PDHX: variants seen among roughly 807,000 people sequenced by gnomAD.
PDHX encodes pyruvate dehydrogenase complex component X.
PDHX carries 33 observed loss-of-function variants against 55.3 expected under a neutral mutation model. That is an observed-to-expected ratio of 0.60 (90% CI 0.45 to 0.80). The LOEUF (loss-of-function observed/expected upper bound fraction) is 0.80. Ranked by LOEUF, PDHX falls within the 30% of genes least tolerant of loss-of-function variation. The pLI, the probability that PDHX is intolerant of heterozygous loss-of-function variation, is 0.00. For synonymous variants in PDHX, 226 were observed against 219.4 expected, an observed-to-expected ratio of 1.03 and a Z score of -0.27; for missense variants, 622 against 619.9, an observed-to-expected ratio of 1.00 and a Z score of -0.04.
rs764804589 is a variant in PDHX, at chr11:34,957,377, A to C, written c.343-7A>C. ...CTTCTCTACAGTTACTTCTTTTTTA[A>C]ATATAGGTTGAAGAAGGAAGTAAAA... On this transcript the variant is annotated splice_polypyrimidine_tract_variant and splice_region_variant and intron_variant, in intron 3 of 10. Coordinates refer to ENST00000227868, the MANE Select transcript of PDHX (RefSeq NM_003477.3). The C allele has an allele frequency of 6.4e-7, 1 of 1,566,838 alleles. No individual in the cohort carries two copies. The highest frequency in any genetic ancestry group is 1.7e-5 in the Admixed American group (1 of 59,940).
chr11:34,959,813 CTG>C (rs1425188577), intron 4 of PDHX, among the ~76,000 whole-genome samples: 1 of 152,018 alleles, frequency 6.6e-6, no homozygotes, highest in Non-Finnish European at 1.5e-5. Context: ...AAACAAATAA[CTG>C]TATGATTCTA....
chr11:34,942,316 A>T (rs1042733994), intron 2 of PDHX, among the ~76,000 whole-genome samples: 2 of 152,230 alleles, frequency 1.3e-5, no homozygotes, highest in Admixed American at 6.5e-5. Context: ...TTGATTCAAA[A>T]TGGTTGTATA....
intron 9 of PDHX, 139 bp from the exon 10 acceptor site, chr11:34,992,176 A>G: frequency 3.3e-6 from 2 of 602,596 alleles, no homozygotes; most frequent in Non-Finnish European, 3.0e-6. Flanking sequence ...ATAATTAGAG[A>G]AAATTATTTT....
chr11:34,943,887 G>C (rs1436463470), intron 2 of PDHX, among the ~76,000 whole-genome samples: 1 of 151,802 alleles, frequency 6.6e-6, no homozygotes, highest in Non-Finnish European at 1.5e-5. Context: ...TGCCCCTCCT[G>C]AACATTCCCA....
chr11:34,919,022 T>G (rs892176434), intron 1 of PDHX, among the ~76,000 whole-genome samples: 1 of 152,190 alleles, frequency 6.6e-6, no homozygotes, highest in Non-Finnish European at 1.5e-5. Context: ...CTTAATTCCA[T>G]CTTTAACCTT....
At chr11:34,916,192 C>T (rs1287508126), upstream of PDHX, 18 of 1,599,388 alleles carry the variant, frequency 1.1e-5, no homozygotes, top group South Asian at 1.0e-4. Flanking sequence ...GGCCTCTCCT[C>T]CTGGGAATAC....
chr11:34,928,842 A>T (rs1854086687), intron 1 of PDHX, among the ~76,000 whole-genome samples: 1 of 152,216 alleles, frequency 6.6e-6, no homozygotes, highest in Non-Finnish European at 1.5e-5. Context: ...TCAAGAATTT[A>T]GTTCTCCAGC....
At chr11:34,964,713 G>A (rs1855089348) in intron 5 of PDHX, among the ~76,000 whole-genome samples, 1 of 144,614 alleles carries the variant, frequency 6.9e-6, no homozygotes, top group Admixed American at 6.7e-5. Context: ...TTACTACAGA[G>A]ATAAAACTAA....
At chr11:34,920,600 T>C (rs1258654805) in intron 1 of PDHX, among the ~76,000 whole-genome samples, 2 of 152,220 alleles carry the variant, frequency 1.3e-5, no homozygotes, top group Admixed American at 1.3e-4. Context: ...TTAAATCCTA[T>C]GTGGTGACAA....
intron 1 of PDHX, among the ~76,000 whole-genome samples, chr11:34,917,417 A>T (rs951913095): frequency 1.3e-5 from 2 of 152,198 alleles, no homozygotes; most frequent in Non-Finnish European, 2.9e-5. Context: ...CATACCAAAA[A>T]TTTATTATAG....
intron 10 of PDHX, among the ~76,000 whole-genome samples, chr11:34,992,826 A>G (rs558005212): frequency 3.9e-5 from 6 of 152,098 alleles, no homozygotes; most frequent in Non-Finnish European, 7.4e-5. Flanking sequence ...GAACATTCTT[A>G]TTAGTGTCTT....
intron 3 of PDHX, among the ~76,000 whole-genome samples, chr11:34,953,125 A>C (rs957315922): frequency 2.0e-5 from 3 of 151,914 alleles, no homozygotes; most frequent in Non-Finnish European, 4.4e-5. Flanking sequence ...TTAGGAATCC[A>C]ACTTACGAGG....
upstream of PDHX, chr11:34,916,184 C>T (rs552157217): frequency 1.3e-6 from 2 of 1,591,874 alleles, no homozygotes; most frequent in Admixed American, 1.7e-5. Flanking sequence ...CCCGCCTGGG[C>T]CTCTCCTCCT....
chr11:34,920,343 A>G (rs1259941983), intron 1 of PDHX, among the ~76,000 whole-genome samples: 2 of 152,204 alleles, frequency 1.3e-5, no homozygotes, highest in Admixed American at 6.5e-5. Flanking sequence ...CTGAGGTTCA[A>G]TCTTGGTGGC....
At chr11:34,978,065 T>C in intron 7 of PDHX, 59 bp from the exon 8 acceptor site, 1 of 872,512 alleles carries the variant, frequency 1.1e-6, no homozygotes. Context: ...GAAGTTGTAA[T>C]GGTCAATGTT....
In PDHX at chr11:34,970,294, AAATTGAATTTACTT is replaced by A; in HGVS notation, c.964+12_964+25del. The stretch of plus-strand genomic sequence containing the variant: ...GGCAAGATCTGGTCAAAGGTTAGTA[AAATTGAATTTACTT>A]AATACAAAACACATGCTAACTTAAC... On this transcript the variant is annotated intron_variant, in intron 7 of 10. Coordinates refer to ENST00000227868, the MANE Select transcript of PDHX (RefSeq NM_003477.3). The A allele has an allele frequency of 6.2e-7, 1 of 1,610,016 alleles. No individual in the cohort carries two copies. The highest frequency in any genetic ancestry group is 1.7e-5 in the Admixed American group (1 of 59,996).
At position 34,995,431 on chromosome 11, in the gene PDHX, G is replaced by A. The variant is rs771515806; in HGVS notation, c.*259G>A. ...AGATCCATTTTTAACCTCTGGTGCT[G>A]TATAAAGGGAATATTAAACTAGATG... is the stretch of plus-strand genomic sequence containing the variant. On this transcript the variant is annotated 3_prime_UTR_variant, in exon 11 of 11. Coordinates refer to ENST00000227868, the MANE Select transcript of PDHX (RefSeq NM_003477.3). 2.3e-6 allele frequency: 1 copy of A among 434,174 alleles called. No individual in the cohort carries two copies. Among genetic ancestry groups the A allele is most frequent in the Non-Finnish European group, 4.3e-6 (1 of 234,430 alleles). 26.9% of individuals were successfully genotyped at this position (434,174 alleles called of 1,614,324 possible). A position where few individuals can be genotyped will look rare whatever the true frequency, so the allele number is the denominator to read the frequency against.
intron 1 of PDHX, among the ~76,000 whole-genome samples, chr11:34,918,721 T>A (rs942069568): frequency 6.6e-6 from 1 of 152,142 alleles, no homozygotes. Flanking sequence ...GTTCTAGAGG[T>A]CCGAAGTCCA....
At chr11:34,963,528 C>T (rs1216033861) in intron 5 of PDHX, among the ~76,000 whole-genome samples, 2 of 152,188 alleles carry the variant, frequency 1.3e-5, no homozygotes, top group African/African-American at 4.8e-5. Context: ...GACCCTCCCA[C>T]CTCAGCCTCT....
Sources: allele counts gnomAD v4.1 joint callset (sites outside exome capture counted in the v4.1 genomes callset), GRCh38; gene constraint gnomAD v4.1.1; transcripts MANE v1.5; gene names NCBI Gene and HGNC (gene_info 2026-07-23, HGNC 2026-07-21).